Variants in TIMM17A observed in about 807,000 individuals in gnomAD.
The protein encoded by TIMM17A is mitochondrial import inner membrane translocase subunit Tim17-A.
TIMM17A carries 15 observed loss-of-function variants against 26.5 expected under a neutral mutation model. That is an observed-to-expected ratio of 0.57 (90% confidence interval 0.38 to 0.87). TIMM17A has a LOEUF of 0.87. Among genes scored for constraint, TIMM17A ranks in the 40% least tolerant of loss-of-function variants. The pLI is 0.00. For missense variants in TIMM17A, 201 were observed against 210.0 expected, an observed-to-expected ratio of 0.96 and a Z score of 0.27; for synonymous variants, 80 against 70.8, an observed-to-expected ratio of 1.13 and a Z score of -0.66.
At chr1:201,965,319 A>G (rs1682609071) in intron 4 of TIMM17A, 114 bp from the exon 5 acceptor site, 3 of 716,818 alleles carry the variant, frequency 4.2e-6, no homozygotes. Context: ...GCAATAAGAA[A>G]GAGTTTGGGA....
chr1:201,958,005 C>T (rs6697918), intron 3 of TIMM17A: 11,720 of 157,928 alleles, frequency 0.074, 517 homozygotes, highest in Middle Eastern at 0.19. Context: ...GGCGTGGTGG[C>T]GCATGCCTGT....
intron 3 of TIMM17A, among the ~76,000 whole-genome samples, chr1:201,961,649 C>G (rs1289561432): frequency 6.6e-6 from 1 of 152,024 alleles, no homozygotes; most frequent in African/African-American, 2.4e-5. Flanking sequence ...CCCAGGAGTT[C>G]AACACCCTTG....
Position 201,970,072 on chromosome 1 carries a change from C to T in TIMM17A, c.*518C>T, listed in dbSNP as rs1460659047. The T allele has an allele frequency of 1.3e-5, 2 of 152,510 alleles. No individual in the cohort carries two copies. Among genetic ancestry groups the T allele is most frequent in the African/African-American group, 2.4e-5 (1 of 41,432 alleles). The allele number at this position is 152,510 out of a possible 1,614,324, so 9.4% of individuals were successfully genotyped here. A position where few individuals can be genotyped will look rare whatever the true frequency, so the allele number is the denominator to read the frequency against. ...TGCAGAGTCAACATGGATCATTTCA[C>T]AGTGAGATGCTTTATGGATTGAAGG... On this transcript the variant is annotated 3_prime_UTR_variant, in exon 6 of 6. Coordinates refer to ENST00000367287, the MANE Select transcript of TIMM17A (RefSeq NM_006335.3).
chr1:201,961,066 CTTTTTT>C (rs71141429), intron 3 of TIMM17A, among the ~76,000 whole-genome samples: 8 of 136,064 alleles, frequency 5.9e-5, no homozygotes, highest in East Asian at 2.1e-4. Context: ...CTTATATTTT[CTTTTTT>C]TTTTTTTTTT....
intron 3 of TIMM17A, among the ~76,000 whole-genome samples, chr1:201,958,743 G>A (rs528715840): frequency 1.1e-4 from 17 of 152,152 alleles, no homozygotes; most frequent in Non-Finnish European, 1.9e-4. Flanking sequence ...TGGAGAGACC[G>A]TATATAAGAC....
chr1:201,965,479 C>T lies in TIMM17A; in HGVS notation c.366C>T (p.Leu122=). The T allele has an allele frequency of 6.2e-7, 1 of 1,614,168 alleles. No homozygotes were observed. The highest frequency in any genetic ancestry group is 8.5e-7 in the Non-Finnish European group (1 of 1,180,004). ...GGTCAGCCGCAATGGGTGGCATTCT[C>T]CTAGCTTTAATTGAAGGAGCTGGTA... ...MVGSAAMGGI[L]LALIEGAGIL... The change falls in exon 5 of 6, where the codon CTC becomes CTT. Residue 122 remains leucine (L), a synonymous_variant. Coordinates refer to ENST00000367287, the MANE Select transcript of TIMM17A (RefSeq NM_006335.3).
In TIMM17A at chr1:201,970,332, A is replaced by G. The variant is rs114298627; in HGVS notation, c.*778A>G. The G allele has an allele frequency of 2.6e-5, 4 of 152,352 alleles. No homozygotes were observed. Among genetic ancestry groups the G allele is most frequent in the Non-Finnish European group, 5.9e-5 (4 of 68,062 alleles). The allele number at this position is 152,352 out of a possible 1,614,324, so 9.4% of individuals were successfully genotyped here. ...TTTCTTGTATGCTTGAAAATAAAGTATGTACTGTTTTGAATGTGTTCCAAG... is the reference window on the plus strand; with the variant it reads ...TTTCTTGTATGCTTGAAAATAAAGTGTGTACTGTTTTGAATGTGTTCCAAG... On this transcript the variant is annotated 3_prime_UTR_variant, in exon 6 of 6. Coordinates refer to ENST00000367287, the MANE Select transcript of TIMM17A (RefSeq NM_006335.3).
At chr1:201,964,957 T>C (rs1292913268) in intron 4 of TIMM17A, among the ~76,000 whole-genome samples, 1 of 149,688 alleles carries the variant, frequency 6.7e-6, no homozygotes, top group East Asian at 2.0e-4. Context: ...CCTATTTATT[T>C]ATTTATTTTC....
chr1:201,956,335 A>G (rs1682408282), intron 1 of TIMM17A, among the ~76,000 whole-genome samples: 1 of 152,210 alleles, frequency 6.6e-6, no homozygotes, highest in African/African-American at 2.4e-5. Context: ...AAAAAATCAA[A>G]TCTTGATATT....
intron 3 of TIMM17A, among the ~76,000 whole-genome samples, chr1:201,962,039 T>A (rs962291383): frequency 6.6e-6 from 1 of 152,032 alleles, no homozygotes; most frequent in Non-Finnish European, 1.5e-5. Context: ...CCTTTATGGA[T>A]CTCCTCCTCA....
chr1:201,969,619 A>G lies in TIMM17A; in HGVS notation c.*65A>G. 7.2e-7 allele frequency: 1 copy of G among 1,387,204 alleles called. No individual in the cohort carries two copies. Among genetic ancestry groups the G allele is most frequent in the Non-Finnish European group, 1.0e-6 (1 of 977,484 alleles). 85.9% of individuals were successfully genotyped at this position (1,387,204 alleles called of 1,614,324 possible). ...GTTCGAGAAGGATTTCAGAAGATCAAGTTACAGTCTGTTTTTAAAACCATA... is the reference window on the plus strand; with the variant it reads ...GTTCGAGAAGGATTTCAGAAGATCAGGTTACAGTCTGTTTTTAAAACCATA... On this transcript the variant is annotated 3_prime_UTR_variant, in exon 6 of 6. Coordinates refer to ENST00000367287, the MANE Select transcript of TIMM17A (RefSeq NM_006335.3).
intron 3 of TIMM17A, among the ~76,000 whole-genome samples, chr1:201,960,003 T>C: frequency 6.6e-6 from 1 of 150,768 alleles, no homozygotes; most frequent in Admixed American, 6.6e-5. Context: ...TGTCTCAAAA[T>C]AAATAAATAA....
intron 4 of TIMM17A, 94 bp downstream of exon 4, chr1:201,963,838 A>C (rs1682576834): frequency 7.5e-7 from 1 of 1,331,826 alleles, no homozygotes; most frequent in Non-Finnish European, 1.0e-6. Flanking sequence ...TATAAAACTG[A>C]TTATTGACCA....
At chr1:201,969,329 T>C (rs1432468311) in intron 5 of TIMM17A, 140 bp from the exon 6 acceptor site, 7 of 658,706 alleles carry the variant, frequency 1.1e-5, no homozygotes, top group Admixed American at 3.0e-5. Context: ...ATTAGGCAGA[T>C]CTATAAAGAA....
At chr1:201,967,217 C>A (rs889543914) in intron 5 of TIMM17A, among the ~76,000 whole-genome samples, 2 of 151,876 alleles carry the variant, frequency 1.3e-5, no homozygotes, top group African/African-American at 4.8e-5. Context: ...ATCTTTTTGG[C>A]ACAATTTTCA....
At chr1:201,967,015 G>GTA (rs1553301543) in intron 5 of TIMM17A, among the ~76,000 whole-genome samples, 62 of 118,778 alleles carry the variant, frequency 5.2e-4, no homozygotes, top group Middle Eastern at 4.4e-3. Context: ...GTGTGTGTGT[G>GTA]TATATATATA....
At chr1:201,956,040 T>C (rs957980930) in intron 1 of TIMM17A, among the ~76,000 whole-genome samples, 2 of 152,340 alleles carry the variant, frequency 1.3e-5, no homozygotes, top group African/African-American at 2.4e-5. Flanking sequence ...TTTAAATGAA[T>C]GGAACATAGA....
intron 5 of TIMM17A, among the ~76,000 whole-genome samples, chr1:201,966,646 G>A (rs1682631030): frequency 6.6e-6 from 1 of 151,916 alleles, no homozygotes; most frequent in Non-Finnish European, 1.5e-5. Context: ...AGTTTTGAGA[G>A]CAGCCTGGCC....
intron 3 of TIMM17A, chr1:201,962,194 T>C (rs1331351377): frequency 6.6e-6 from 1 of 152,150 alleles, no homozygotes; most frequent in Non-Finnish European, 1.5e-5. Context: ...GTAATTCTAA[T>C]ATACCTAGAC....
Sources: gnomAD v4.1 joint callset for allele counts (sites outside exome capture counted in the v4.1 genomes callset) on GRCh38, gnomAD v4.1.1 for gene constraint, MANE v1.5 for transcripts, NCBI Gene and HGNC (gene_info 2026-07-23, HGNC 2026-07-21) for gene names.